The following KLF12 variants were observed in gnomAD, a reference collection of about 807,000 sequenced individuals.
KLF12 encodes Krueppel-like factor 12.
A neutral mutation model predicts 37.8 loss-of-function variants in KLF12; 9 were observed. That is an observed-to-expected ratio of 0.24 (90% CI 0.14 to 0.42). KLF12 has a LOEUF of 0.42. Among genes scored for constraint, KLF12 ranks in the 10% least tolerant of loss-of-function variants. The pLI is 1.00. For synonymous variants in KLF12, 208 were observed against 202.1 expected, an observed-to-expected ratio of 1.03 and a Z score of -0.25; for missense variants, 411 against 516.0, an observed-to-expected ratio of 0.80 and a Z score of 1.97.
intron 1 of KLF12, among the ~76,000 whole-genome samples, chr13:74,083,000 A>C (rs1244541855): frequency 6.6e-6 from 1 of 152,180 alleles, no homozygotes; most frequent in African/African-American, 2.4e-5. Context: ...AAAGGTGACA[A>C]TATGAAATTT....
At chr13:74,084,398 T>C (rs1237258368) in intron 1 of KLF12, among the ~76,000 whole-genome samples, 1 of 152,224 alleles carries the variant, frequency 6.6e-6, no homozygotes, top group East Asian at 1.9e-4. Context: ...ATTGTTCTCA[T>C]GGTTGTCTCT....
At chr13:74,144,637 C>T in the KLF12 span, among the ~76,000 whole-genome samples, 2 of 152,028 alleles carry the variant, frequency 1.3e-5, no homozygotes, top group East Asian at 1.9e-4. Flanking sequence ...TAAAAAAATT[C>T]GGTGGGATCA....
chr13:73,906,402 A>C (rs749921569), intron 3 of KLF12, among the ~76,000 whole-genome samples: 42 of 152,108 alleles, frequency 2.8e-4, no homozygotes, highest in Non-Finnish European at 4.7e-4. Flanking sequence ...TAATTCTTAC[A>C]TATATTTTCC....
intron 2 of KLF12, among the ~76,000 whole-genome samples, chr13:73,978,615 C>A (rs2138161282): frequency 6.6e-6 from 1 of 152,202 alleles, no homozygotes. Context: ...TATTTTTTAA[C>A]CTCCCAAAGT....
intron 2 of KLF12, among the ~76,000 whole-genome samples, chr13:73,964,235 C>T (rs193039982): frequency 5.3e-5 from 8 of 152,292 alleles, no homozygotes; most frequent in Admixed American, 5.2e-4. Context: ...ACACCAACTA[C>T]AGCCATGGAT....
chr13:74,270,420 T>C, the KLF12 span, among the ~76,000 whole-genome samples: 12 of 152,272 alleles, frequency 7.9e-5, no homozygotes, highest in East Asian at 2.3e-3. Context: ...TAACCAATGA[T>C]GCTACATAGA....
At chr13:73,995,118 T>C in intron 1 of KLF12, 65 bp from the exon 2 acceptor site, 2 of 1,069,062 alleles carry the variant, frequency 1.9e-6, no homozygotes, top group Non-Finnish European at 2.8e-6. Flanking sequence ...ATTGCTCCTT[T>C]GGGGAAAAAA....
At chr13:74,256,045 C>G in the KLF12 span, among the ~76,000 whole-genome samples, 1 of 151,680 alleles carries the variant, frequency 6.6e-6, no homozygotes, top group East Asian at 1.9e-4. Flanking sequence ...GTCCCAGCTA[C>G]TTGGGAGGCT....
At chr13:73,932,558 G>T (rs542724839) in intron 3 of KLF12, among the ~76,000 whole-genome samples, 120 of 152,254 alleles carry the variant, frequency 7.9e-4, no homozygotes, top group African/African-American at 2.7e-3. Context: ...TTTCTAGAAG[G>T]TGAATCTAAT....
At chr13:73,748,196 A>T (rs1277728544) in intron 6 of KLF12, among the ~76,000 whole-genome samples, 1 of 152,206 alleles carries the variant, frequency 6.6e-6, no homozygotes, top group African/African-American at 2.4e-5. Flanking sequence ...CCCATATCAG[A>T]TTCCTTTGTC....
intron 1 of KLF12, among the ~76,000 whole-genome samples, chr13:74,089,192 T>C (rs1450081009): frequency 6.6e-6 from 1 of 152,114 alleles, no homozygotes; most frequent in African/African-American, 2.4e-5. Flanking sequence ...TATAAACACA[T>C]GCACACAGAG....
the KLF12 span, among the ~76,000 whole-genome samples, chr13:74,243,156 C>G: frequency 6.6e-6 from 1 of 152,088 alleles, no homozygotes; most frequent in Non-Finnish European, 1.5e-5. Flanking sequence ...CTCCCTGTGT[C>G]CATGTGTTCT....
intron 6 of KLF12, among the ~76,000 whole-genome samples, chr13:73,732,697 TC>T (rs1877159027): frequency 6.6e-6 from 1 of 152,186 alleles, no homozygotes; most frequent in Non-Finnish European, 1.5e-5. Context: ...TCTTGCTCAT[TC>T]CCATGTTTCG....
chr13:73,982,805 T>C (rs963950165), intron 2 of KLF12, among the ~76,000 whole-genome samples: 6 of 152,178 alleles, frequency 3.9e-5, no homozygotes, highest in Admixed American at 2.6e-4. Context: ...AACCAGACCC[T>C]TTCCCTCATC....
intron 3 of KLF12, among the ~76,000 whole-genome samples, chr13:73,889,337 G>A (rs1355884390): frequency 6.6e-6 from 1 of 152,084 alleles, no homozygotes; most frequent in African/African-American, 2.4e-5. Context: ...GTGACTTATA[G>A]CACTAGGGTC....
chr13:74,294,706 T>G, the KLF12 span, among the ~76,000 whole-genome samples: 1 of 152,100 alleles, frequency 6.6e-6, no homozygotes, highest in African/African-American at 2.4e-5. Context: ...TTAAGAGATT[T>G]TGTTCTGAGG....
chr13:74,043,459 A>C (rs1411289974), intron 1 of KLF12, among the ~76,000 whole-genome samples: 1 of 152,198 alleles, frequency 6.6e-6, no homozygotes, highest in African/African-American at 2.4e-5. Flanking sequence ...ATGGAATTTA[A>C]CATGTGTGCG....
At chr13:73,857,987 T>G (rs945117147) in intron 3 of KLF12, among the ~76,000 whole-genome samples, 94 of 152,332 alleles carry the variant, frequency 6.2e-4, no homozygotes, top group African/African-American at 2.3e-3. Context: ...CCCCAAAGCA[T>G]TCTCATTTAT....
At chr13:74,235,358 G>A in the KLF12 span, among the ~76,000 whole-genome samples, 4 of 152,320 alleles carry the variant, frequency 2.6e-5, no homozygotes, top group East Asian at 7.7e-4. Flanking sequence ...ATTCTGTATA[G>A]CAAGTATTCA....
Sources: gnomAD v4.1 joint callset for allele counts (sites outside exome capture counted in the v4.1 genomes callset) on GRCh38, gnomAD v4.1.1 for gene constraint, MANE v1.5 for transcripts, NCBI Gene and HGNC (gene_info 2026-07-23, HGNC 2026-07-21) for gene names.